The following CAMK4 variants were observed in gnomAD, a reference collection of about 807,000 sequenced individuals.
CAMK4 encodes calcium/calmodulin dependent protein kinase IV, also known as calcium/calmodulin-dependent protein kinase type IV.
Under a neutral mutation model 44.9 loss-of-function variants are expected in CAMK4, and 22 were observed. The ratio of observed to expected loss-of-function variants is 0.49; its 90% CI spans 0.35 to 0.70. The LOEUF (loss-of-function observed/expected upper bound fraction) is 0.70, where lower values mean the gene tolerates loss of function less well. CAMK4 is among the 30% of genes least tolerant of loss of function. The probability of loss-of-function intolerance (pLI) is 0.01; values close to 1 mark genes in which losing one functional copy is unlikely to be tolerated. For missense variants in CAMK4, 498 were observed against 586.8 expected (o/e 0.85, Z 1.56); for synonymous variants, 218 against 215.4 (o/e 1.01, Z -0.11).
At chr5:111,350,676 A>G (rs904005306) in intron 2 of CAMK4, among the ~76,000 whole-genome samples, 15 of 152,070 alleles carry the variant, frequency 9.9e-5, no homozygotes, top group Admixed American at 7.9e-4. Context: ...TTATAATACC[A>G]GTAAAGTTCT....
At chr5:111,428,176 G>A (rs1753300653) in intron 5 of CAMK4, among the ~76,000 whole-genome samples, 1 of 152,230 alleles carries the variant, frequency 6.6e-6, no homozygotes, top group Admixed American at 6.5e-5. Context: ...AGTGTTACTG[G>A]GCTTGGGGTG....
chr5:111,246,187 T>G (rs1226057182), intron 1 of CAMK4, among the ~76,000 whole-genome samples: 1 of 152,206 alleles, frequency 6.6e-6, no homozygotes, highest in Non-Finnish European at 1.5e-5. Flanking sequence ...ATAAATGTAT[T>G]TGTACATATT....
chr5:111,326,068 A>G (rs1248075686), intron 1 of CAMK4, among the ~76,000 whole-genome samples: 2 of 152,066 alleles, frequency 1.3e-5, no homozygotes, highest in Non-Finnish European at 2.9e-5. Flanking sequence ...AAGAAGAGAG[A>G]TACAATTCAG....
At chr5:111,266,988 A>G (rs1750276762) in intron 1 of CAMK4, among the ~76,000 whole-genome samples, 1 of 152,152 alleles carries the variant, frequency 6.6e-6, no homozygotes. Flanking sequence ...GTAAATATCA[A>G]CATTTTCCAG....
chr5:111,319,397 C>T (rs1416912548), intron 1 of CAMK4, among the ~76,000 whole-genome samples: 9 of 152,168 alleles, frequency 5.9e-5, no homozygotes, highest in Non-Finnish European at 1.3e-4. Context: ...ACATTAACTT[C>T]CCAAACTGTG....
At chr5:111,403,227 G>T (rs1478095780) in intron 5 of CAMK4, among the ~76,000 whole-genome samples, 1 of 151,666 alleles carries the variant, frequency 6.6e-6, no homozygotes, top group Non-Finnish European at 1.5e-5. Context: ...TAAGGGTTTT[G>T]AAAATAAAAT....
At chr5:111,425,128 A>G (rs1038943213) in intron 5 of CAMK4, among the ~76,000 whole-genome samples, 1 of 148,280 alleles carries the variant, frequency 6.7e-6, no homozygotes, top group Non-Finnish European at 1.5e-5. Flanking sequence ...ACTCGACTGC[A>G]CTCCAGCCTG....
intron 1 of CAMK4, among the ~76,000 whole-genome samples, chr5:111,314,772 A>G (rs917888142): frequency 6.6e-6 from 1 of 152,004 alleles, no homozygotes; most frequent in African/African-American, 2.4e-5. Flanking sequence ...TATAATGACA[A>G]TCAATTACAA....
intron 5 of CAMK4, among the ~76,000 whole-genome samples, chr5:111,404,406 G>T (rs888117348): frequency 6.6e-6 from 1 of 152,232 alleles, no homozygotes; most frequent in Admixed American, 6.5e-5. Context: ...ATTATAGCTG[G>T]TGAAACAGGG....
intron 2 of CAMK4, among the ~76,000 whole-genome samples, chr5:111,373,190 C>T (rs1751077380): frequency 6.6e-6 from 1 of 152,036 alleles, no homozygotes; most frequent in African/African-American, 2.4e-5. Flanking sequence ...GTATGAATAA[C>T]CAAAACTTTT....
chr5:111,279,393 G>A lies in CAMK4; in HGVS notation c.161+54749G>A, dbSNP rs184390040. ...CTGCAGATCTCAGCTGTCTCTGTCA[G>A]TCAGCTCCAGCCCTGAGCCATCAAA... On this transcript the variant is annotated intron_variant, in intron 1 of 10. Transcript: ENST00000282356. Among the ~76,000 whole-genome samples the A allele has an allele frequency of 5.3e-5, 8 of 152,264 alleles. No homozygotes were observed. The East Asian group carries it at 1.5e-3, about 29-fold the overall frequency.
At chr5:111,310,193 C>G (rs1051986561) in intron 1 of CAMK4, among the ~76,000 whole-genome samples, 1 of 152,142 alleles carries the variant, frequency 6.6e-6, no homozygotes, top group Non-Finnish European at 1.5e-5. Flanking sequence ...TGCAAAGTTT[C>G]TCTAGTTTTA....
chr5:111,346,482 TTATCTATCTATC>T (rs58011893), intron 2 of CAMK4, among the ~76,000 whole-genome samples: 5 of 149,912 alleles, frequency 3.3e-5, no homozygotes, highest in African/African-American at 7.4e-5. Flanking sequence ...GCTTGAAACT[TTATCTATCTATC>T]TATCTATCTA....
upstream of CAMK4, chr5:111,224,281 C>A (rs1234663326): frequency 1.6e-6 from 1 of 617,346 alleles, no homozygotes; most frequent in Non-Finnish European, 2.4e-6. This position sits in a 1 kb window ranked among gnomAD's most constrained non-coding sequence, Gnocchi z 5.7. Flanking sequence ...ACTCCGGGTT[C>A]CCCCTCGCGC....
At chr5:111,274,495 C>T (rs183469435) in intron 1 of CAMK4, among the ~76,000 whole-genome samples, 104 of 152,242 alleles carry the variant, frequency 6.8e-4, no homozygotes, top group Non-Finnish European at 1.2e-3. Context: ...AAACCATTTT[C>T]TTTCTGATGG....
At chr5:111,309,406 C>T (rs929817225) in intron 1 of CAMK4, among the ~76,000 whole-genome samples, 1 of 152,132 alleles carries the variant, frequency 6.6e-6, no homozygotes, top group African/African-American at 2.4e-5. Context: ...ATCAACACCC[C>T]ACTCCCTCTC....
At chr5:111,393,873 GTTT>G (rs5870448) in intron 4 of CAMK4, among the ~76,000 whole-genome samples, 1 of 141,840 alleles carries the variant, frequency 7.1e-6, no homozygotes. Context: ...AAAGTTTTGT[GTTT>G]TTTTTTTTTT....
At chr5:111,401,401 A>G (rs1394316592) in intron 5 of CAMK4, among the ~76,000 whole-genome samples, 1 of 152,204 alleles carries the variant, frequency 6.6e-6, no homozygotes, top group East Asian at 1.9e-4. Flanking sequence ...GTGAGTAACT[A>G]TTAAATCTAT....
At chr5:111,240,535 C>T (rs1218151622) in intron 1 of CAMK4, among the ~76,000 whole-genome samples, 3 of 152,190 alleles carry the variant, frequency 2.0e-5, no homozygotes, top group African/African-American at 7.2e-5. Context: ...TTGTCCTACC[C>T]TCTCTTCTGG....
Sources: gnomAD v4.1 joint callset for allele counts (sites outside exome capture counted in the v4.1 genomes callset) on GRCh38, gnomAD v4.1.1 for gene constraint, Gnocchi (gnomAD v3.1) non-coding constraint, MANE v1.5 for transcripts, NCBI Gene and HGNC (gene_info 2026-07-23, HGNC 2026-07-21) for gene names.